SLC35F4: variants seen among roughly 807,000 people sequenced by gnomAD.
SLC35F4 encodes the protein chromosome 14 open reading frame 36.
In SLC35F4, 24 loss-of-function variants were observed where a neutral mutation model predicts 44.2. The ratio of observed to expected loss-of-function variants is 0.54; its 90% confidence interval spans 0.39 to 0.76. The LOEUF (loss-of-function observed/expected upper bound fraction) is 0.76. Ranked by LOEUF, SLC35F4 falls within the 30% of genes least tolerant of loss-of-function variation. The pLI is 0.00. For synonymous variants in SLC35F4, 238 were observed against 223.6 expected (o/e 1.06, Z -0.57); for missense variants, 562 against 586.1 (o/e 0.96, Z 0.42).
At chr14:57,935,876 T>G (rs530722726) in intron 1 of SLC35F4, among the ~76,000 whole-genome samples, 1 of 152,246 alleles carries the variant, frequency 6.6e-6, no homozygotes, top group Non-Finnish European at 1.5e-5. Flanking sequence ...TTGAAAGTAA[T>G]GGTATTAAAG....
intron 1 of SLC35F4, among the ~76,000 whole-genome samples, chr14:57,772,521 A>C (rs971422037): frequency 6.6e-6 from 1 of 151,898 alleles, no homozygotes; most frequent in Admixed American, 6.6e-5. Context: ...CCTTCACCCC[A>C]CTCTCACTTT....
upstream of SLC35F4, among the ~76,000 whole-genome samples, chr14:57,869,962 T>A (rs189448167): frequency 2.6e-5 from 4 of 152,328 alleles, no homozygotes; most frequent in African/African-American, 9.6e-5. Flanking sequence ...GGTGTCTGTA[T>A]GAGAAGACAG....
intron 1 of SLC35F4, among the ~76,000 whole-genome samples, chr14:57,912,714 T>C (rs1460204959): frequency 6.6e-6 from 1 of 152,158 alleles, no homozygotes. Context: ...GAATATTCCA[T>C]GTGAGCTTTA....
intron 1 of SLC35F4, among the ~76,000 whole-genome samples, chr14:57,607,030 A>T (rs2071203561): frequency 6.6e-6 from 1 of 152,130 alleles, no homozygotes. Flanking sequence ...CCAGCAGGGG[A>T]AAAGCCAATT....
chr14:57,929,719 T>A (rs1461038104), intron 1 of SLC35F4, among the ~76,000 whole-genome samples: 1 of 152,202 alleles, frequency 6.6e-6, no homozygotes, highest in Non-Finnish European at 1.5e-5. Context: ...CATTGTATTA[T>A]CTTCTTTCTC....
chr14:57,950,219 AT>A (rs1165842743), intron 1 of SLC35F4, among the ~76,000 whole-genome samples: 3 of 151,540 alleles, frequency 2.0e-5, no homozygotes, highest in South Asian at 2.1e-4. Flanking sequence ...GCTTTGTTCA[AT>A]TTTTTTTATT....
At chr14:57,822,987 T>C (rs1883335200) in intron 1 of SLC35F4, among the ~76,000 whole-genome samples, 2 of 152,138 alleles carry the variant, frequency 1.3e-5, no homozygotes, top group African/African-American at 2.4e-5. Flanking sequence ...TATCTCCAGC[T>C]CGAAATTCTC....
intron 1 of SLC35F4, among the ~76,000 whole-genome samples, chr14:57,629,254 A>G (rs1356316360): frequency 6.6e-6 from 1 of 152,144 alleles, no homozygotes; most frequent in Non-Finnish European, 1.5e-5. Flanking sequence ...TCTCCCTGGG[A>G]AACCATTTGC....
chr14:57,695,228 C>T (rs1179959390), intron 1 of SLC35F4, among the ~76,000 whole-genome samples: 6 of 152,186 alleles, frequency 3.9e-5, no homozygotes, highest in Admixed American at 3.9e-4. Flanking sequence ...TCAGAATCAA[C>T]TGGCAACCTA....
chr14:57,684,222 CGCCGCT>C (rs1247163717), intron 1 of SLC35F4, among the ~76,000 whole-genome samples: 4 of 152,232 alleles, frequency 2.6e-5, no homozygotes, highest in Admixed American at 6.5e-5. Flanking sequence ...CAACATCCCA[CGCCGCT>C]GCTGGCACAG....
At chr14:57,870,156 G>GTGTGTGTGTGTGTGTGTGTGTC (rs1211320834), upstream of SLC35F4, among the ~76,000 whole-genome samples, 28 of 150,844 alleles carry the variant, frequency 1.9e-4, no homozygotes, top group African/African-American at 6.6e-4. Flanking sequence ...GTGTGTGTGT[G>GTGTGTGTGTGTGTGTGTGTGTC]TCTGTGTCTC....
intron 1 of SLC35F4, among the ~76,000 whole-genome samples, chr14:57,918,577 T>TA (rs779754597): frequency 4.9e-4 from 75 of 152,326 alleles, no homozygotes; most frequent in African/African-American, 1.6e-3. Flanking sequence ...AAAATTTATT[T>TA]ACCATCTCAA....
chr14:57,906,914 A>G (rs1188709375), intron 1 of SLC35F4, among the ~76,000 whole-genome samples: 1 of 152,222 alleles, frequency 6.6e-6, no homozygotes, highest in African/African-American at 2.4e-5. Context: ...TCCCGGATAC[A>G]ACAGGATCCA....
At chr14:57,676,084 T>C (rs552180845) in intron 1 of SLC35F4, among the ~76,000 whole-genome samples, 4 of 152,206 alleles carry the variant, frequency 2.6e-5, no homozygotes, top group Admixed American at 2.6e-4. Flanking sequence ...AGGACTACTA[T>C]GCAGAATCTA....
At chr14:57,715,237 G>C (rs2075911455) in intron 1 of SLC35F4, among the ~76,000 whole-genome samples, 1 of 152,098 alleles carries the variant, frequency 6.6e-6, no homozygotes, top group South Asian at 2.1e-4. Flanking sequence ...AAGAATGCAA[G>C]AGGAAGAAAG....
chr14:57,801,308 A>G (rs1380237819), intron 1 of SLC35F4, among the ~76,000 whole-genome samples: 2 of 152,244 alleles, frequency 1.3e-5, no homozygotes, highest in East Asian at 3.8e-4. Flanking sequence ...TTTTCAGACA[A>G]GCAAATGCTT....
chr14:57,792,469 T>G (rs1380567743), intron 1 of SLC35F4, among the ~76,000 whole-genome samples: 1 of 152,178 alleles, frequency 6.6e-6, no homozygotes, highest in Non-Finnish European at 1.5e-5. Flanking sequence ...TACATGTTTA[T>G]AGCAGCACAA....
intron 1 of SLC35F4, among the ~76,000 whole-genome samples, chr14:57,655,393 A>G (rs1281191849): frequency 2.6e-5 from 4 of 152,070 alleles, no homozygotes; most frequent in Admixed American, 6.6e-5. Context: ...ATACAGAGCA[A>G]CAAGACATCA....
intron 1 of SLC35F4, among the ~76,000 whole-genome samples, chr14:57,916,553 T>G (rs1889333870): frequency 6.6e-6 from 1 of 152,244 alleles, no homozygotes; most frequent in Non-Finnish European, 1.5e-5. Flanking sequence ...TAGTCATTAT[T>G]GCTTCAAATA....
Sources: gnomAD v4.1 joint callset for allele counts (sites outside exome capture counted in the v4.1 genomes callset) on GRCh38, gnomAD v4.1.1 for gene constraint, MANE v1.5 for transcripts, NCBI Gene and HGNC (gene_info 2026-07-23, HGNC 2026-07-21) for gene names.